WDR90: variants seen among roughly 807,000 people sequenced by gnomAD.
WDR90 encodes WD repeat domain 90.
Under a neutral mutation model 195.2 loss-of-function variants are expected in WDR90, and 238 were observed. That is an observed-to-expected ratio of 1.22 (90% CI 1.10 to 1.36). The LOEUF (loss-of-function observed/expected upper bound fraction) is 1.36, where lower values mean the gene tolerates loss of function less well. Among genes scored for constraint, WDR90 ranks in the 40% most tolerant of loss-of-function variants. The pLI is 0.00. For missense variants in WDR90, 2,734 were observed against 2,439.5 expected (o/e 1.12, Z -2.54); for synonymous variants, 1,265 against 1,052.4 (o/e 1.20, Z -3.91).
chr16:652,434 C>T, intron 9 of WDR90, 33 bp from the exon 10 acceptor site: 1 of 1,567,032 alleles, frequency 6.4e-7, no homozygotes, highest in Non-Finnish European at 8.7e-7. Flanking sequence ...CTGGCTGAGC[C>T]TCCCAGGACT....
rs959713752 is a variant in WDR90 at position 654,713 on chromosome 16, G to A, written c.1438-316G>A. 1.3e-5 allele frequency: 5 copies of A among 382,450 alleles called. No individual in the cohort carries two copies. In the East Asian group the frequency reaches 2.5e-4, roughly 19 times the overall value. 23.7% of individuals were successfully genotyped at this position (382,450 alleles called of 1,614,324 possible). The stretch of plus-strand genomic sequence containing the variant: ...AGTCCTCCCACCTCAGCCTCCCAAA[G>A]TGCTGGGATCACAGGCATGAGCCAC... On this transcript the variant is annotated intron_variant, in intron 13 of 40. Transcript: ENST00000293879.
intron 26 of WDR90, among the ~76,000 whole-genome samples, chr16:659,621 G>A (rs2037850484): frequency 2.0e-5 from 3 of 151,746 alleles, no homozygotes; most frequent in Non-Finnish European, 4.4e-5. Context: ...CAGGCACCTT[G>A]TCCCCGTCAG....
chr16:662,393 T>C, intron 33 of WDR90, 62 bp downstream of exon 33: 2 of 1,517,650 alleles, frequency 1.3e-6, no homozygotes, highest in Non-Finnish European at 1.8e-6. Flanking sequence ...TGACTGGGGC[T>C]TGCAGCCAGT....
Position 657,227 on chromosome 16 carries a change from GC to G in WDR90, c.2473+11del. 6.5e-7 allele frequency: 1 copy of G among 1,537,546 alleles called. No homozygotes were observed. Among genetic ancestry groups the G allele is most frequent in the Non-Finnish European group, 8.8e-7 (1 of 1,139,594 alleles). Reference sequence around the variant, plus strand: ...GCATGTCCTCCGAGTGGCAGGTTGGGCCCCCTGCAGCCACTCTGGGGGACTC... The same window carrying G: ...GCATGTCCTCCGAGTGGCAGGTTGGGCCCCTGCAGCCACTCTGGGGGACTC... On this transcript the variant is annotated splice_region_variant and intron_variant, in intron 20 of 40. Transcript: ENST00000293879.
Position 653,597 on chromosome 16 carries a change from C to G in WDR90, c.1306C>G (p.Arg436Gly). The G allele has an allele frequency of 6.2e-7, 1 of 1,613,480 alleles. No homozygotes were observed. Among genetic ancestry groups the G allele is most frequent in the Middle Eastern group, 1.6e-4 (1 of 6,062 alleles). The change falls in exon 12 of 41, where the codon CGG becomes GGG. Residue 436 changes from arginine (R) to glycine (G), a missense_variant. Coordinates refer to ENST00000293879, the MANE Select transcript of WDR90 (RefSeq NM_145294.5). Reference protein sequence around the residue: ...SAQARAPSVMRLWDFQTGRCL... With the variant: ...SAQARAPSVMGLWDFQTGRCL... ...CCAGGCAAGGGCCCCTAGTGTGATG[C>G]GGCTCTGGGACTTCCAGACCGGGCG...
In WDR90 at chr16:650,907, C is replaced by T. The variant is rs2037632272; in HGVS notation, c.560-88C>T. 5.2e-6 allele frequency: 8 copies of T among 1,526,360 alleles called. No individual in the cohort carries two copies. In the Admixed American group the frequency reaches 1.0e-4, roughly 19 times the overall value. 94.6% of individuals were successfully genotyped at this position (1,526,360 alleles called of 1,614,324 possible). On this transcript the variant is annotated intron_variant, in intron 5 of 40. Transcript: ENST00000293879. ...GCCCTGGGGTGGGGCGGTGGCTGGGCTGGTGGCGTGGCAGTGCCTTGGCGG... is the reference window on the plus strand; with the variant it reads ...GCCCTGGGGTGGGGCGGTGGCTGGGTTGGTGGCGTGGCAGTGCCTTGGCGG...
In WDR90 at chr16:653,331, C is replaced by A; in HGVS notation, c.1123-10C>A. 1 of 1,524,348 alleles carries A rather than the reference C, an allele frequency of 6.6e-7. No individual in the cohort carries two copies. Among genetic ancestry groups the A allele is most frequent in the Non-Finnish European group, 8.8e-7 (1 of 1,137,000 alleles). The allele number at this position is 1,524,348 out of a possible 1,614,324, so 94.4% of individuals were successfully genotyped here. A position where few individuals can be genotyped will look rare whatever the true frequency, so the allele number is the denominator to read the frequency against. On this transcript the variant is annotated splice_polypyrimidine_tract_variant and intron_variant, in intron 10 of 40. Transcript: ENST00000293879. The stretch of plus-strand genomic sequence containing the variant: ...GCACCGGTCCTCAGCCCCCCGCCCC[C>A]TTGTGCCAGGCCCTGTGGACCCCAG...
Position 659,847 on chromosome 16 carries a change from C to A in WDR90, c.3185-211C>A, listed in dbSNP as rs376871157. Among the ~76,000 whole-genome samples the A allele has an allele frequency of 1.3e-3, 195 of 152,328 alleles. 7 individuals are homozygous for A. In the South Asian group the frequency reaches 0.039, roughly 30 times the overall value. On this transcript the variant is annotated intron_variant, in intron 26 of 40. Transcript: ENST00000293879. ...GGGACGCTGGTGCCGGTGCAGGGGC[C>A]TGAGGACGGTCGGTGAGTCCCCCGT...
At chr16:657,254 C>A in intron 20 of WDR90, 33 bp downstream of exon 20, 1 of 1,515,552 alleles carries the variant, frequency 6.6e-7, no homozygotes, top group Non-Finnish European at 8.9e-7. Context: ...TGGGGGACTC[C>A]TCAGGGCGGG....
chr16:650,811 G>A lies in WDR90; in HGVS notation c.559+102G>A. The A allele has an allele frequency of 2.0e-6, 3 of 1,519,878 alleles. No homozygotes were observed. The South Asian group carries it at 3.7e-5, about 19-fold the overall frequency. The allele number at this position is 1,519,878 out of a possible 1,614,324, so 94.1% of individuals were successfully genotyped here. A position where few individuals can be genotyped will look rare whatever the true frequency, so the allele number is the denominator to read the frequency against. On this transcript the variant is annotated intron_variant, in intron 5 of 40. Transcript: ENST00000293879. The stretch of plus-strand genomic sequence containing the variant: ...CTTGGGAAAATACAGTGCTCGAGCT[G>A]TGCTGTCTCTGAGCTCTGGCCAGAA...
intron 34 of WDR90, 194 bp from the exon 35 acceptor site, chr16:665,485 G>T: frequency 1.2e-6 from 1 of 827,492 alleles, no homozygotes; most frequent in South Asian, 1.7e-5. Flanking sequence ...CTTTGGTTTG[G>T]ACTCACCCAG....
chr16:661,271 A>G, intron 29 of WDR90, 71 bp from the exon 30 acceptor site: 1 of 1,533,568 alleles, frequency 6.5e-7, no homozygotes, highest in Non-Finnish European at 8.7e-7. Flanking sequence ...AAGACGGAGC[A>G]GACGGCCACC....
upstream of WDR90, chr16:649,334 C>A: frequency 7.6e-7 from 1 of 1,308,176 alleles, no homozygotes; most frequent in Non-Finnish European, 9.7e-7. Flanking sequence ...GCACCGTTGC[C>A]AGGCAGCCGT....
At position 656,472 on chromosome 16, in the gene WDR90, G is replaced by A; in HGVS notation, c.2137G>A (p.Gly713Arg). The change falls in exon 18 of 41, where the codon GGA becomes AGA. Residue 713 changes from glycine (G) to arginine (R), a missense_variant. Gly to Arg is a moderately radical substitution (Grantham distance 125). Coordinates refer to ENST00000293879, the MANE Select transcript of WDR90 (RefSeq NM_145294.5). ...GGCCCTCGCCATGGAGCAGAGGCGGGGACAGCTGGCCACCGTGTCCCAGGA... is the reference window on the plus strand; with the variant it reads ...GGCCCTCGCCATGGAGCAGAGGCGGAGACAGCTGGCCACCGTGTCCCAGGA... Reference protein sequence around the residue: ...VLALAMEQRRGQLATVSQDRT... With the variant: ...VLALAMEQRRRQLATVSQDRT... 6.3e-7 allele frequency: 1 copy of A among 1,587,784 alleles called. No individual in the cohort carries two copies.
Position 667,540 on chromosome 16 carries a change from T to C in WDR90, c.5198T>C (p.Phe1733Ser). ...CRFTPSARLL[F>S]TAARNEILVW... ...TTTACACCGTCCGCCAGGCTGCTCT[T>C]CACGGCCGCCCGCAACGAGATCCTT... Residue 1733 changes from phenylalanine to serine, a missense_variant, in exon 41 of 41, where the codon TTC (phenylalanine) becomes TCC (serine). By Grantham distance (155) the Phe-to-Ser change is radical. Coordinates refer to ENST00000293879, the MANE Select transcript of WDR90 (RefSeq NM_145294.5). 1 of 1,611,990 alleles carries C rather than the reference T, an allele frequency of 6.2e-7. No individual in the cohort carries two copies.
Position 661,985 on chromosome 16 carries a change from C to T in WDR90, c.3959C>T (p.Ser1320Phe), listed in dbSNP as rs2037927146. The T allele has an allele frequency of 6.2e-7, 1 of 1,605,430 alleles. No homozygotes were observed. The highest frequency in any genetic ancestry group is 1.3e-5 in the African/African-American group (1 of 74,932). ...CCCCTGCTCTATTGTGGCACCAGCT[C>T]TGGCCAGGTCTGTGTCTGGGACACG... ...APPLLYCGTS[S>F]GQVCVWDTRA... Residue 1320 changes from serine (S) to phenylalanine (F), a missense_variant, in exon 32 of 41, where the codon TCT becomes TTT. By Grantham distance (155) the Ser-to-Phe change is radical. Transcript: ENST00000293879.
Position 658,974 on chromosome 16 carries a change from G to A in WDR90, c.2974G>A (p.Ala992Thr), listed in dbSNP as rs761651477. The change falls in exon 24 of 41, where the codon GCC becomes ACC. Residue 992 changes from alanine (A) to threonine (T), a missense_variant. By Grantham distance (58) the Ala-to-Thr change is moderately conservative. Transcript: ENST00000293879. ...DQQQVLSAGD[A>T]VFLWDVLAPT... ...GCAGCAGGTCCTCAGCGCAGGGGACGCCGTCTTCCTCTGGGATGTCCTGGC... is the reference window on the plus strand; with the variant it reads ...GCAGCAGGTCCTCAGCGCAGGGGACACCGTCTTCCTCTGGGATGTCCTGGC... 6.8e-6 allele frequency: 11 copies of A among 1,612,808 alleles called. No homozygotes were observed. Among genetic ancestry groups the A allele is most frequent in the South Asian group, 2.2e-5 (2 of 91,092 alleles).
At chr16:657,036 C>G (rs920380864) in intron 19 of WDR90, 55 bp from the exon 20 acceptor site, 3 of 1,584,538 alleles carry the variant, frequency 1.9e-6, no homozygotes, top group African/African-American at 2.7e-5. Flanking sequence ...TCGAGGGAAC[C>G]CATGGTACCT....
intron 35 of WDR90, 31 bp downstream of exon 35, chr16:665,832 G>C (rs2038014147): frequency 1.3e-6 from 2 of 1,550,616 alleles, no homozygotes; most frequent in African/African-American, 2.7e-5. Flanking sequence ...CCGGGGGCGG[G>C]ATGGGGGCCT....
Sources: allele counts gnomAD v4.1 joint callset (sites outside exome capture counted in the v4.1 genomes callset), GRCh38; gene constraint gnomAD v4.1.1; transcripts MANE v1.5; gene names NCBI Gene and HGNC (gene_info 2026-07-23, HGNC 2026-07-21).